NHSL2: variants seen among roughly 807,000 people sequenced by gnomAD.
NHSL2 encodes the protein NHS like 2.
In NHSL2, 27 loss-of-function variants were observed where a neutral mutation model predicts 53.4. The ratio of observed to expected loss-of-function variants is 0.51; its 90% confidence interval spans 0.37 to 0.70. The LOEUF is 0.70. NHSL2 is among the 30% of genes least tolerant of loss of function. The pLI is 0.00. For synonymous variants in NHSL2, 408 were observed against 404.1 expected, an observed-to-expected ratio of 1.01 and a Z score of -0.12; for missense variants, 892 against 980.1, an observed-to-expected ratio of 0.91 and a Z score of 1.20.
At chrX:71,962,912 A>G (rs1277271689) in intron 1 of NHSL2, among the ~76,000 whole-genome samples, 1 of 110,724 alleles carries the variant, frequency 9.0e-6, no homozygotes, top group Admixed American at 9.6e-5. Flanking sequence ...CATTGGGATT[A>G]CAAGCATGAG....
chrX:72,108,590 CAGAGA>C (rs2042065158), intron 1 of NHSL2, among the ~76,000 whole-genome samples: 1 of 112,964 alleles, frequency 8.9e-6, no homozygotes, highest in East Asian at 2.8e-4. Context: ...TCACTGAGCA[CAGAGA>C]CCTTCTGCAC....
At chrX:71,911,742 C>A (rs954774720) in intron 1 of NHSL2, among the ~76,000 whole-genome samples, 1 of 112,848 alleles carries the variant, frequency 8.9e-6, no homozygotes, top group Admixed American at 9.2e-5. Flanking sequence ...CTCATCGCCG[C>A]GTCGGGAGCT....
intron 1 of NHSL2, chrX:72,130,448 G>C: frequency 1.7e-6 from 2 of 1,207,010 alleles, no homozygotes; most frequent in Non-Finnish European, 2.2e-6. Flanking sequence ...GCCCTCATGC[G>C]CTTCCTCTGG....
rs769391291 is a variant in NHSL2 at position 72,121,038 on chromosome X, G to A, written c.281-11041G>A. 8.9e-5 allele frequency among the ~76,000 whole-genome samples: 10 copies of A among 112,693 alleles called. No individual in the cohort carries two copies. In the East Asian group the frequency reaches 2.5e-3, roughly 28 times the overall value. The stretch of plus-strand genomic sequence containing the variant: ...TACGCCTGGGGCCTGCTCTTCGTGA[G>A]TGCCACTCGCTTTGAGTCTTGAATG... On this transcript the variant is annotated intron_variant, in intron 1 of 7. Transcript: ENST00000633930.
At chrX:71,980,038 T>TA (rs1338556047) in intron 1 of NHSL2, among the ~76,000 whole-genome samples, 2 of 112,365 alleles carry the variant, frequency 1.8e-5, no homozygotes, top group Non-Finnish European at 3.8e-5. Flanking sequence ...CCATTTCTTG[T>TA]ATTTGTCAGG....
At chrX:72,091,060 C>T (rs1172983653) in intron 1 of NHSL2, among the ~76,000 whole-genome samples, 1 of 112,037 alleles carries the variant, frequency 8.9e-6, no homozygotes, top group Non-Finnish European at 1.9e-5. Flanking sequence ...ACACATAGTA[C>T]TCCAATGTTC....
intron 1 of NHSL2, among the ~76,000 whole-genome samples, chrX:72,097,397 C>T (rs932230619): frequency 1.2e-4 from 13 of 112,103 alleles, no homozygotes; most frequent in African/African-American, 4.2e-4. Context: ...GTTCCTGCTA[C>T]TGATTGCACT....
At chrX:72,099,247 G>C (rs187548770) in intron 1 of NHSL2, among the ~76,000 whole-genome samples, 6 of 111,427 alleles carry the variant, frequency 5.4e-5, no homozygotes, top group Admixed American at 9.5e-5. Context: ...CAGCTGATTT[G>C]AAATGCCACC....
At chrX:72,044,727 C>T in intron 1 of NHSL2, 1 of 1,020,240 alleles carries the variant, frequency 9.8e-7, no homozygotes, top group Non-Finnish European at 1.4e-6. Flanking sequence ...TCTTCGATGC[C>T]TATGTGCTTC....
chrX:71,966,992 A>G (rs944241023), intron 1 of NHSL2, among the ~76,000 whole-genome samples: 1 of 112,372 alleles, frequency 8.9e-6, no homozygotes, highest in Non-Finnish European at 1.9e-5. Context: ...TATTCAGATT[A>G]TCAATTTCTT....
intron 1 of NHSL2, among the ~76,000 whole-genome samples, chrX:72,079,127 C>T (rs779281112): frequency 8.9e-6 from 1 of 112,774 alleles, no homozygotes; most frequent in Non-Finnish European, 1.9e-5. Flanking sequence ...CGCCCATGCT[C>T]ATTTTGCCAA....
At chrX:72,078,567 T>C (rs372654969) in intron 1 of NHSL2, among the ~76,000 whole-genome samples, 4 of 111,826 alleles carry the variant, frequency 3.6e-5, no homozygotes, top group South Asian at 3.7e-4. Context: ...ACAGCCAGAC[T>C]TCCTGAGAGG....
At chrX:71,920,784 G>T (rs189333704) in intron 1 of NHSL2, among the ~76,000 whole-genome samples, 52 of 109,142 alleles carry the variant, frequency 4.8e-4, no homozygotes, top group African/African-American at 1.7e-3. Flanking sequence ...GTAATAATGC[G>T]AGGTTAGGTT....
chrX:72,101,491 C>T (rs1269236645), intron 1 of NHSL2, among the ~76,000 whole-genome samples: 1 of 110,401 alleles, frequency 9.1e-6, no homozygotes. Flanking sequence ...TTATCTCCCA[C>T]GGGACAACAT....
intron 1 of NHSL2, among the ~76,000 whole-genome samples, chrX:71,931,596 T>G (rs1308790439): frequency 8.9e-6 from 1 of 112,418 alleles, no homozygotes; most frequent in African/African-American, 3.2e-5. Flanking sequence ...TATCCACTTG[T>G]TTTAGCGCCT....
At position 72,105,261 on chromosome X, in the gene NHSL2, T is replaced by C. The variant is rs755918095; in HGVS notation, c.281-26818T>C. Among the ~76,000 whole-genome samples the C allele has an allele frequency of 2.7e-5, 3 of 110,679 alleles. No individual in the cohort carries two copies. The Admixed American group carries it at 2.9e-4, about 11-fold the overall frequency. On this transcript the variant is annotated intron_variant, in intron 1 of 7. Coordinates refer to ENST00000633930, the MANE Select transcript of NHSL2 (RefSeq NM_001013627.3). The stretch of plus-strand genomic sequence containing the variant: ...CCAACACCTCTGGTAGCTGGGGGAC[T>C]GAGTGCCTTGGTCCTGAATGGGGGA...
At chrX:72,038,415 C>T (rs891482914) in intron 1 of NHSL2, among the ~76,000 whole-genome samples, 4 of 112,243 alleles carry the variant, frequency 3.6e-5, no homozygotes, top group Admixed American at 1.9e-4. Flanking sequence ...GAGAAAATGT[C>T]AGATCTTCAC....
At chrX:72,125,596 T>C (rs998058320) in intron 1 of NHSL2, among the ~76,000 whole-genome samples, 4 of 111,625 alleles carry the variant, frequency 3.6e-5, no homozygotes, top group African/African-American at 1.3e-4. Flanking sequence ...TGCTTCAGGG[T>C]TGGGGCAAGG....
chrX:72,026,371 A>C (rs1268834679), intron 1 of NHSL2, among the ~76,000 whole-genome samples: 1 of 112,408 alleles, frequency 8.9e-6, no homozygotes, highest in African/African-American at 3.2e-5. Context: ...CCTCAGAAGG[A>C]AAAGGGCCTG....
Sources: gnomAD v4.1 joint callset for allele counts (sites outside exome capture counted in the v4.1 genomes callset) on GRCh38, gnomAD v4.1.1 for gene constraint, MANE v1.5 for transcripts, NCBI Gene and HGNC (gene_info 2026-07-23, HGNC 2026-07-21) for gene names.